TGM5: variants seen among roughly 807,000 people sequenced by gnomAD.
TGM5 encodes transglutaminase 5, also known as protein-glutamine gamma-glutamyltransferase 5.
A neutral mutation model predicts 77.2 loss-of-function variants in TGM5; 69 were observed. The ratio of observed to expected loss-of-function variants is 0.89; its 90% CI spans 0.74 to 1.09. The LOEUF (loss-of-function observed/expected upper bound fraction) is 1.09, where lower values mean the gene tolerates loss of function less well. TGM5 is among the 50% of genes least tolerant of loss of function. The pLI, the probability that TGM5 is intolerant of heterozygous loss-of-function variation, is 0.00. For missense variants in TGM5, 842 were observed against 896.5 expected, an observed-to-expected ratio of 0.94 and a Z score of 0.78; for synonymous variants, 346 against 351.8, an observed-to-expected ratio of 0.98 and a Z score of 0.18.
chr15:43,233,070 TG>T lies in TGM5; in HGVS notation c.*120del. On this transcript the variant is annotated 3_prime_UTR_variant, in exon 13 of 13. Coordinates refer to ENST00000220420, the MANE Select transcript of TGM5 (RefSeq NM_201631.4). The stretch of plus-strand genomic sequence containing the variant: ...CAGAAAATGAACACGTCATCCCCTC[TG>T]TGGCTCTTGCTGGAGCCCTGTGAAG... 1 of 1,237,194 alleles carries T rather than the reference TG, an allele frequency of 8.1e-7. No individual in the cohort carries two copies. Among genetic ancestry groups the T allele is most frequent in the Non-Finnish European group, 1.1e-6 (1 of 873,532 alleles). 76.6% of individuals were successfully genotyped at this position (1,237,194 alleles called of 1,614,324 possible).
chr15:43,235,424 A>C (rs1281729501), intron 10 of TGM5, 45 bp downstream of exon 10: 1 of 1,613,558 alleles, frequency 6.2e-7, no homozygotes. Context: ...CCCCACTGAC[A>C]TTGCCAAAAC....
At chr15:43,259,867 C>A (rs2042771576) in intron 3 of TGM5, among the ~76,000 whole-genome samples, 185 bp downstream of exon 3, 1 of 152,146 alleles carries the variant, frequency 6.6e-6, no homozygotes, top group African/African-American at 2.4e-5. Context: ...CTTGAAAATT[C>A]TAAATAAGTA....
At chr15:43,237,619 G>A in intron 9 of TGM5, among the ~76,000 whole-genome samples, 1 of 151,402 alleles carries the variant, frequency 6.6e-6, no homozygotes. Context: ...TGCCATCATA[G>A]TTCACTGCAG....
At chr15:43,260,694 A>AT (rs1379133954) in intron 1 of TGM5, 115 bp from the exon 2 acceptor site, 46 of 1,129,440 alleles carry the variant, frequency 4.1e-5, no homozygotes, top group Non-Finnish European at 6.0e-5. Flanking sequence ...CTCAGTTTCC[A>AT]TATCAGTAAA....
intron 1 of TGM5, 187 bp from the exon 2 acceptor site, chr15:43,260,766 A>G (rs540374645): frequency 6.5e-5 from 46 of 708,234 alleles, no homozygotes; most frequent in Non-Finnish European, 1.1e-4. Flanking sequence ...ATGAGGTTCC[A>G]TGCATGCGCT....
In TGM5 at chr15:43,252,741, G is replaced by C; in HGVS notation, c.862+18C>G. The C allele has an allele frequency of 6.2e-7, 1 of 1,612,896 alleles. No individual in the cohort carries two copies. Among genetic ancestry groups the C allele is most frequent in the Non-Finnish European group, 8.5e-7 (1 of 1,179,990 alleles). On this transcript the variant is annotated intron_variant, in intron 6 of 12. Coordinates refer to ENST00000220420, the MANE Select transcript of TGM5 (RefSeq NM_201631.4). ...GCTATACTTCTGACCTTTTTGTGGG[G>C]TCCTTTCTACCTCCTACCTGTGCAC...
chr15:43,246,615 TAAC>T (rs1273335428), intron 6 of TGM5, among the ~76,000 whole-genome samples: 2 of 152,160 alleles, frequency 1.3e-5, no homozygotes, highest in Non-Finnish European at 2.9e-5. Flanking sequence ...TCAGCAGTCT[TAAC>T]AAGTTAACGA....
chr15:43,234,657 G>A, intron 11 of TGM5, 112 bp downstream of exon 11: 1 of 1,364,786 alleles, frequency 7.3e-7, no homozygotes, highest in Non-Finnish European at 1.0e-6. Context: ...AAGAGGCAAA[G>A]GAAGGAGGGG....
chr15:43,253,256 C>T (rs956344890), intron 5 of TGM5, among the ~76,000 whole-genome samples: 1 of 152,212 alleles, frequency 6.6e-6, no homozygotes, highest in African/African-American at 2.4e-5. Context: ...ACAACAAGAC[C>T]ATTTCCCAAA....
At chr15:43,235,957 C>A in intron 9 of TGM5, 120 bp from the exon 10 acceptor site, 2 of 1,347,596 alleles carry the variant, frequency 1.5e-6, no homozygotes, top group South Asian at 1.2e-5. Context: ...CTCCCAGTAA[C>A]AAGCACTCCC....
chr15:43,235,408 G>C, intron 10 of TGM5, 61 bp downstream of exon 10: 1 of 1,612,142 alleles, frequency 6.2e-7, no homozygotes, highest in South Asian at 1.1e-5. Flanking sequence ...CTGTTGGCTG[G>C]CTTGACCCCA....
At chr15:43,265,284 T>C (rs72721579) in intron 1 of TGM5, among the ~76,000 whole-genome samples, 4 of 152,314 alleles carry the variant, frequency 2.6e-5, no homozygotes, top group South Asian at 4.2e-4. Flanking sequence ...ACTGTTGGCT[T>C]TCACTCATGA....
At chr15:43,240,182 C>G (rs1264077845) in intron 7 of TGM5, among the ~76,000 whole-genome samples, 1 of 152,130 alleles carries the variant, frequency 6.6e-6, no homozygotes, top group Admixed American at 6.5e-5. Flanking sequence ...ATCTGACCTA[C>G]CTTGTTTGAC....
intron 10 of TGM5, 51 bp from the exon 11 acceptor site, chr15:43,234,980 TACCTGGGTTGG>T: frequency 6.2e-7 from 1 of 1,605,680 alleles, no homozygotes; most frequent in Non-Finnish European, 8.5e-7. Context: ...AAATCAGCCG[TACCTGGGTTGG>T]ACCTGGGTCT....
chr15:43,233,347 G>A lies in TGM5; in HGVS notation c.2010-3C>T. The stretch of plus-strand genomic sequence containing the variant: ...GTTGGGGTTTGAGGACTCCAAGGCT[G>A]CAACAGAGAATGGAGCATGTCAGAA... On this transcript the variant is annotated splice_region_variant and splice_polypyrimidine_tract_variant and intron_variant, in intron 12 of 12. Transcript: ENST00000220420. 6.2e-7 allele frequency: 1 copy of A among 1,613,466 alleles called. No homozygotes were observed. The highest frequency in any genetic ancestry group is 8.5e-7 in the Non-Finnish European group (1 of 1,180,024).
chr15:43,236,968 CAAAAAA>C, intron 9 of TGM5, among the ~76,000 whole-genome samples: 1 of 61,292 alleles, frequency 1.6e-5, no homozygotes, highest in Admixed American at 1.7e-4. Context: ...GACTCTGTCT[CAAAAAA>C]AAAAAAAAAA....
rs370411187 is a variant in TGM5 at position 43,247,516 on chromosome 15, C to T, written c.862+5243G>A. Among the ~76,000 whole-genome samples, 13 of 149,794 alleles carry T rather than the reference C, an allele frequency of 8.7e-5. No individual in the cohort carries two copies. The East Asian group carries it at 2.1e-3, about 25-fold the overall frequency. On this transcript the variant is annotated intron_variant, in intron 6 of 12. Coordinates refer to ENST00000220420, the MANE Select transcript of TGM5 (RefSeq NM_201631.4). Reference sequence around the variant, plus strand: ...TGAAATTATTTTTTAAAAAGCTGACCTCAAAAAAAAAAGGAGACAAGGACC... The same window carrying T: ...TGAAATTATTTTTTAAAAAGCTGACTTCAAAAAAAAAAGGAGACAAGGACC...
At position 43,239,257 on chromosome 15, in the gene TGM5, A is replaced by G. The variant is rs1265290535; in HGVS notation, c.1011T>C (p.His337=). The change falls in exon 8 of 13, where the codon CAT becomes CAC. Residue 337 remains histidine, a synonymous_variant. Transcript: ENST00000220420. The part of the protein sequence containing the change: ...NKKKDTIWNF[H]VWNECWMARK... ...GGGCCATCCAGCACTCATTCCAGACATGGAAGTTCCTGTGTCAAACAGAGC... is the reference window on the plus strand; with the variant it reads ...GGGCCATCCAGCACTCATTCCAGACGTGGAAGTTCCTGTGTCAAACAGAGC... 6.2e-7 allele frequency: 1 copy of G among 1,614,044 alleles called. No individual in the cohort carries two copies. The highest frequency in any genetic ancestry group is 8.5e-7 in the Non-Finnish European group (1 of 1,180,024).
rs745506537 is a variant in TGM5, at chr15:43,240,963, C to T, written c.890G>A (p.Arg297His). The change falls in exon 7 of 13, where the codon CGT becomes CAT. Residue 297 changes from arginine (R) to histidine (H), a missense_variant. Physicochemically the swap from Arg to His is conservative, Grantham distance 29. Transcript: ENST00000220420. ...GCCAGAGTCGAAGTTGGTGATCACA[C>T]GGGTAGGGATCCCCAGACACCTCAT... ...TVMRCLGIPT[R>H]VITNFDSGHD... The T allele has an allele frequency of 1.4e-5, 23 of 1,613,988 alleles. No individual in the cohort carries two copies. Among genetic ancestry groups the T allele is most frequent in the South Asian group, 7.7e-5 (7 of 91,088 alleles).
Sources: gnomAD v4.1 joint callset for allele counts (sites outside exome capture counted in the v4.1 genomes callset) on GRCh38, gnomAD v4.1.1 for gene constraint, MANE v1.5 for transcripts, NCBI Gene and HGNC (gene_info 2026-07-23, HGNC 2026-07-21) for gene names.